The following SNX13 variants were observed in gnomAD, a reference collection of about 807,000 sequenced individuals.
SNX13 encodes sorting nexin 13.
In SNX13, 45 loss-of-function variants were observed where a neutral mutation model predicts 133.6. That is an observed-to-expected ratio of 0.34 (90% CI 0.27 to 0.43). The LOEUF (loss-of-function observed/expected upper bound fraction) is 0.43. Ranked by LOEUF, SNX13 falls within the 20% of genes least tolerant of loss-of-function variation. The probability of loss-of-function intolerance (pLI) is 1.00; values close to 1 mark genes in which losing one functional copy is unlikely to be tolerated. For synonymous variants in SNX13, 414 were observed against 373.9 expected (o/e 1.11, Z -1.24); for missense variants, 1,032 against 1,145.1 (o/e 0.90, Z 1.43).
Position 17,791,475 on chromosome 7 carries a change from T to C in SNX13, c.*2570A>G, listed in dbSNP as rs548271791. On this transcript the variant is annotated 3_prime_UTR_variant, in exon 26 of 26. Transcript: ENST00000428135. ...GCAACTATTTGGAATATCCTAATTA[T>C]AGGAAATGCCCATCTAAGTGATATA... 1.3e-5 allele frequency: 2 copies of C among 151,986 alleles called. No individual in the cohort carries two copies. Among genetic ancestry groups the C allele is most frequent in the African/African-American group, 2.4e-5 (1 of 41,524 alleles). The allele number at this position is 151,986 out of a possible 1,614,324, so 9.4% of individuals were successfully genotyped here. A position where few individuals can be genotyped will look rare whatever the true frequency, so the allele number is the denominator to read the frequency against.
chr7:17,840,264 A>G (rs1423144183), intron 12 of SNX13, among the ~76,000 whole-genome samples: 1 of 152,068 alleles, frequency 6.6e-6, no homozygotes, highest in Non-Finnish European at 1.5e-5. Flanking sequence ...TAGTGAATAA[A>G]TTTGTTACAT....
chr7:17,826,116 A>T (rs775145016), intron 16 of SNX13, 25 bp from the exon 17 acceptor site: 4 of 1,456,546 alleles, frequency 2.7e-6, no homozygotes, highest in Admixed American at 4.5e-5. Context: ...TCAGGAAACA[A>T]ATTTTTAAAA....
chr7:17,926,227 C>T (rs1490187383), intron 1 of SNX13, among the ~76,000 whole-genome samples: 2 of 151,988 alleles, frequency 1.3e-5, no homozygotes, highest in Admixed American at 1.3e-4. Context: ...GTGCTAGTGA[C>T]AGTATTTTTT....
intron 2 of SNX13, among the ~76,000 whole-genome samples, chr7:17,896,683 G>T (rs1797250845): frequency 6.6e-6 from 1 of 152,002 alleles, no homozygotes; most frequent in Non-Finnish European, 1.5e-5. Flanking sequence ...AGCTATTTTG[G>T]TAACAGTGTC....
chr7:17,842,372 CA>C (rs1280501401), intron 12 of SNX13, among the ~76,000 whole-genome samples: 1 of 151,854 alleles, frequency 6.6e-6, no homozygotes, highest in African/African-American at 2.4e-5. Context: ...AACTATACTT[CA>C]AAATGAGAGA....
intron 12 of SNX13, among the ~76,000 whole-genome samples, chr7:17,843,177 T>C (rs990177778): frequency 2.0e-5 from 3 of 152,016 alleles, no homozygotes; most frequent in Non-Finnish European, 4.4e-5. Flanking sequence ...TCCAATGATA[T>C]ACTGTCTACA....
intron 9 of SNX13, among the ~76,000 whole-genome samples, chr7:17,866,171 A>G (rs932220308): frequency 6.6e-6 from 1 of 152,188 alleles, no homozygotes; most frequent in African/African-American, 2.4e-5. Flanking sequence ...GCTTCTGCAC[A>G]GCAAAGGGAA....
At chr7:17,830,383 T>C (rs761565036) in intron 15 of SNX13, 19 of 984,296 alleles carry the variant, frequency 1.9e-5, no homozygotes, top group South Asian at 4.7e-5. Context: ...GAGGAAAACA[T>C]TGCAGAATGA....
intron 21 of SNX13, among the ~76,000 whole-genome samples, chr7:17,802,366 G>C (rs894739696): frequency 6.6e-6 from 1 of 152,098 alleles, no homozygotes; most frequent in Non-Finnish European, 1.5e-5. Context: ...ACCATAAAGA[G>C]CTTTTGATAT....
chr7:17,824,174 TTATGTAAA>T (rs1787613372), intron 17 of SNX13, among the ~76,000 whole-genome samples: 1 of 152,044 alleles, frequency 6.6e-6, no homozygotes. Context: ...GTAATTCTTA[TTATGTAAA>T]AAAAAAATAG....
chr7:17,812,185 A>G (rs1786124948), intron 20 of SNX13, among the ~76,000 whole-genome samples: 2 of 152,196 alleles, frequency 1.3e-5, no homozygotes, highest in Admixed American at 6.5e-5. Context: ...GTACAGCAAA[A>G]GAAACTACCA....
chr7:17,818,751 G>T (rs531475960), intron 18 of SNX13, among the ~76,000 whole-genome samples: 2 of 151,988 alleles, frequency 1.3e-5, no homozygotes. Flanking sequence ...TACAATCAAA[G>T]ATCTTACTTT....
At chr7:17,819,215 C>T (rs1296973802) in intron 18 of SNX13, among the ~76,000 whole-genome samples, 1 of 152,022 alleles carries the variant, frequency 6.6e-6, no homozygotes, top group Non-Finnish European at 1.5e-5. Context: ...TAAATGATAG[C>T]TCATACATTT....
At chr7:17,810,093 A>G (rs1045171468) in intron 20 of SNX13, among the ~76,000 whole-genome samples, 11 of 152,200 alleles carry the variant, frequency 7.2e-5, no homozygotes, top group Non-Finnish European at 1.3e-4. Context: ...TTCAAAAGCT[A>G]GCAGAAGACA....
At chr7:17,918,299 G>C (rs1353481535) in intron 1 of SNX13, among the ~76,000 whole-genome samples, 2 of 152,110 alleles carry the variant, frequency 1.3e-5, no homozygotes, top group East Asian at 3.9e-4. Context: ...TTAAACTAAA[G>C]ACCTTCTGCA....
intron 22 of SNX13, among the ~76,000 whole-genome samples, 179 bp from the exon 23 acceptor site, chr7:17,799,333 C>T (rs1370375225): frequency 6.6e-6 from 1 of 151,650 alleles, no homozygotes; most frequent in African/African-American, 2.4e-5. Flanking sequence ...GTCATTCTGA[C>T]AGAATACAGA....
At chr7:17,844,310 T>C (rs1237482513) in intron 12 of SNX13, among the ~76,000 whole-genome samples, 2 of 151,906 alleles carry the variant, frequency 1.3e-5, no homozygotes, top group Non-Finnish European at 2.9e-5. Context: ...CTAGTGGAAA[T>C]GGAAAAATTC....
intron 1 of SNX13, 32 bp downstream of exon 1, chr7:17,940,252 A>G: frequency 6.4e-7 from 1 of 1,554,828 alleles, no homozygotes; most frequent in Non-Finnish European, 8.7e-7. Flanking sequence ...TCCCCATTTC[A>G]CAGGTAAACA....
At chr7:17,931,334 T>C (rs1281984287) in intron 1 of SNX13, among the ~76,000 whole-genome samples, 3 of 134,140 alleles carry the variant, frequency 2.2e-5, no homozygotes, top group Non-Finnish European at 3.4e-5. Context: ...ATATCACATC[T>C]TAAAGTCAGA....
Sources: gnomAD v4.1 joint callset for allele counts (sites outside exome capture counted in the v4.1 genomes callset) on GRCh38, gnomAD v4.1.1 for gene constraint, MANE v1.5 for transcripts, NCBI Gene and HGNC (gene_info 2026-07-23, HGNC 2026-07-21) for gene names.